DOCK6: variants seen among roughly 807,000 people sequenced by gnomAD.
DOCK6 encodes dedicator of cytokinesis protein 6.
A neutral mutation model predicts 230.3 loss-of-function variants in DOCK6; 167 were observed. That is an observed-to-expected ratio of 0.73 (90% confidence interval 0.64 to 0.82). The LOEUF is 0.82. Ranked by LOEUF, DOCK6 falls within the 40% of genes least tolerant of loss-of-function variation. The pLI is 0.00. For missense variants in DOCK6, 2,598 were observed against 2,825.8 expected (o/e 0.92, Z 1.83); for synonymous variants, 1,148 against 1,185.0 (o/e 0.97, Z 0.64).
chr19:11,216,890 C>T, intron 30 of DOCK6, 24 bp downstream of exon 30: 1 of 1,612,048 alleles, frequency 6.2e-7, no homozygotes, highest in Non-Finnish European at 8.5e-7. Flanking sequence ...CCTCCTCCAT[C>T]ATCTCCTGCC....
chr19:11,239,280 C>T (rs2079901685), intron 14 of DOCK6, among the ~76,000 whole-genome samples: 1 of 152,206 alleles, frequency 6.6e-6, no homozygotes, highest in Non-Finnish European at 1.5e-5. Flanking sequence ...GGTCAAACAG[C>T]TCAGGGCAAA....
In DOCK6 at chr19:11,243,487, TAGCCCCGC is replaced by T; in HGVS notation, c.1258+62_1258+69del. 1 of 1,543,300 alleles carries T rather than the reference TAGCCCCGC, an allele frequency of 6.5e-7. No individual in the cohort carries two copies. The highest frequency in any genetic ancestry group is 1.2e-5 in the South Asian group (1 of 83,790). The stretch of plus-strand genomic sequence containing the variant: ...GCAGAGGGCGCACCCCCTCGCCCCG[TAGCCCCGC>T]CCCAGGCCTGTCAGCACCACCCTTT... On this transcript the variant is annotated intron_variant, in intron 11 of 47. Coordinates refer to ENST00000294618, the MANE Select transcript of DOCK6 (RefSeq NM_020812.4). The surrounding 1 kb of genome is among the most constrained non-coding windows in gnomAD (Gnocchi z 6.3).
Position 11,202,019 on chromosome 19 carries a change from C to T in DOCK6, c.5558G>A (p.Cys1853Tyr). Residue 1853 changes from cysteine (C) to tyrosine (Y), a missense_variant, in exon 44 of 48, where the codon TGC becomes TAC. By Grantham distance (194) the Cys-to-Tyr change is radical. Coordinates refer to ENST00000294618, the MANE Select transcript of DOCK6 (RefSeq NM_020812.4). This position sits in a 1 kb window ranked among gnomAD's most constrained non-coding sequence, Gnocchi z 5.3. ...GCGCCCATCCGGCGTGAACGGCGTGCAGAACAGGAATGTGCGAAGCCCATA... is the reference window on the plus strand; with the variant it reads ...GCGCCCATCCGGCGTGAACGGCGTGTAGAACAGGAATGTGCGAAGCCCATA... Reference protein sequence around the residue: ...RNYGLRTFLFCTPFTPDGRAH... With the variant: ...RNYGLRTFLFYTPFTPDGRAH... 1 of 1,614,060 alleles carries T rather than the reference C, an allele frequency of 6.2e-7. No individual in the cohort carries two copies. Among genetic ancestry groups the T allele is most frequent in the Non-Finnish European group, 8.5e-7 (1 of 1,179,910 alleles).
chr19:11,202,103 A>G lies in DOCK6; in HGVS notation c.5474T>C (p.Val1825Ala). 1.2e-6 allele frequency: 2 copies of G among 1,613,964 alleles called. No individual in the cohort carries two copies. The highest frequency in any genetic ancestry group is 1.3e-5 in the African/African-American group (1 of 75,040). The stretch of plus-strand genomic sequence containing the variant: ...CTCGTAGGTATCAAAGTACGGTTCC[A>G]CATACGTGATCTGGATGTAGGCCTG... ...SQKAYIQITY[V>A]EPYFDTYELK... The change falls in exon 44 of 48, where the codon GTG becomes GCG. Residue 1825 changes from valine to alanine, a missense_variant. Transcript: ENST00000294618. This position sits in a 1 kb window ranked among gnomAD's most constrained non-coding sequence, Gnocchi z 5.3.
chr19:11,201,884 C>G lies in DOCK6; in HGVS notation c.5688+5G>C, dbSNP rs781389396. 6.4e-7 allele frequency: 1 copy of G among 1,552,156 alleles called. No homozygotes were observed. Among genetic ancestry groups the G allele is most frequent in the Admixed American group, 1.9e-5 (1 of 51,334 alleles). On this transcript the variant is annotated splice_donor_5th_base_variant and intron_variant, in intron 44 of 47. Transcript: ENST00000294618. The surrounding 1 kb of genome is among the most constrained non-coding windows in gnomAD (Gnocchi z 4.3). The stretch of plus-strand genomic sequence containing the variant: ...ACCCCCGCCAGGCCCAGGATCCCCA[C>G]CCACCTCCTCCCGGTGGCACACACG...
At position 11,242,075 on chromosome 19, in the gene DOCK6, C is replaced by T. The variant is rs762793134; in HGVS notation, c.1613G>A (p.Arg538His). ...GCTGGTATGGGGGGCATAGACTTCG[C>T]GGGCGGGGAACTCCAGAATCTCCTT... ...PTKEILEFPA[R>H]EVYAPHTSYR... Residue 538 changes from arginine (R) to histidine (H), a missense_variant, in exon 14 of 48, where the codon CGC (arginine) becomes CAC (histidine). Physicochemically the swap from Arg to His is conservative, Grantham distance 29. Transcript: ENST00000294618. The T allele has an allele frequency of 2.0e-5, 31 of 1,547,942 alleles. No individual in the cohort carries two copies. Among genetic ancestry groups the T allele is most frequent in the South Asian group, 1.5e-4 (12 of 79,286 alleles).
chr19:11,244,048 G>A (rs2079994316), intron 9 of DOCK6, among the ~76,000 whole-genome samples, 166 bp from the exon 10 acceptor site: 2 of 152,198 alleles, frequency 1.3e-5, no homozygotes, highest in Non-Finnish European at 2.9e-5. Flanking sequence ...GGGATCAAGG[G>A]TTAGTGTTGG....
intron 21 of DOCK6, among the ~76,000 whole-genome samples, chr19:11,234,297 G>T (rs10421382): frequency 2.0e-5 from 3 of 150,906 alleles, no homozygotes; most frequent in Admixed American, 6.6e-5. Flanking sequence ...TGTGCCTGGC[G>T]TATTTTATTT....
chr19:11,259,280 G>A (rs750083051), intron 1 of DOCK6, among the ~76,000 whole-genome samples: 1 of 151,854 alleles, frequency 6.6e-6, no homozygotes, highest in Non-Finnish European at 1.5e-5. Flanking sequence ...TTGAACTCCT[G>A]GCCTCCCAAA....
chr19:11,214,512 T>C (rs779871405), intron 33 of DOCK6, 41 bp downstream of exon 33: 10 of 1,613,400 alleles, frequency 6.2e-6, no homozygotes, highest in African/African-American at 2.7e-5. Flanking sequence ...GGCACTGCAG[T>C]TGGGCTCAGA....
chr19:11,255,078 A>C (rs2080177500), intron 1 of DOCK6, among the ~76,000 whole-genome samples: 1 of 150,500 alleles, frequency 6.6e-6, no homozygotes, highest in Non-Finnish European at 1.5e-5. Context: ...ATCCCGGCTC[A>C]CTGCAACACC....
In DOCK6 at chr19:11,243,938, G is replaced by A; in HGVS notation, c.1024-56C>T. 12 of 1,552,796 alleles carry A rather than the reference G, an allele frequency of 7.7e-6. No individual in the cohort carries two copies. The highest frequency in any genetic ancestry group is 2.4e-5 in the East Asian group (1 of 41,662). On this transcript the variant is annotated intron_variant, in intron 9 of 47. Transcript: ENST00000294618. The surrounding 1 kb of genome is among the most constrained non-coding windows in gnomAD (Gnocchi z 6.3). ...CGCTGCCCGAACGCTCTGTTCCCCC[G>A]TGCTGGCTCCCCAGCCTCCTGGACC... is the stretch of plus-strand genomic sequence containing the variant.
intron 9 of DOCK6, among the ~76,000 whole-genome samples, chr19:11,245,293 G>A (rs1216455772): frequency 2.0e-5 from 3 of 152,058 alleles, no homozygotes; most frequent in South Asian, 2.1e-4. Context: ...ACCCACCTCC[G>A]AGGACCCCAG....
intron 22 of DOCK6, 34 bp from the exon 23 acceptor site, chr19:11,229,069 G>T: frequency 6.3e-7 from 1 of 1,595,292 alleles, no homozygotes; most frequent in East Asian, 2.2e-5. Context: ...AGAGTGCGAG[G>T]TGCCACCCCT....
chr19:11,219,516 G>T (rs900667734), intron 28 of DOCK6, among the ~76,000 whole-genome samples: 4 of 151,742 alleles, frequency 2.6e-5, no homozygotes, highest in Admixed American at 2.0e-4. Flanking sequence ...TCGGCTGGGC[G>T]TGGTGGCTCA....
At chr19:11,237,586 G>A (rs891938053) in intron 17 of DOCK6, 29 bp from the exon 18 acceptor site, 7 of 1,609,180 alleles carry the variant, frequency 4.4e-6, no homozygotes, top group Middle Eastern at 1.8e-4. Flanking sequence ...TCAGGTCTGC[G>A]GCCAGGTTGG....
At chr19:11,251,191 G>T (rs999262302) in intron 5 of DOCK6, 105 bp from the exon 6 acceptor site, 2 of 1,189,260 alleles carry the variant, frequency 1.7e-6, no homozygotes, top group African/African-American at 1.5e-5. Flanking sequence ...GAAATTGAGG[G>T]TCAGGGGGTG....
chr19:11,203,953 G>A lies in DOCK6; in HGVS notation c.5235+128C>T, dbSNP rs541399997. The stretch of plus-strand genomic sequence containing the variant: ...GGAAATAATGGGGTGGGTCCCTTGT[G>A]GCCACAGCCCCAGCCCCAAGGGCCA... On this transcript the variant is annotated intron_variant, in intron 41 of 47. Transcript: ENST00000294618. 3.9e-5 allele frequency: 50 copies of A among 1,274,106 alleles called. 1 individual carries two copies. In the African/African-American group the frequency reaches 7.3e-4, roughly 19 times the overall value. 78.9% of individuals were successfully genotyped at this position (1,274,106 alleles called of 1,614,324 possible).
At chr19:11,240,192 G>T in intron 14 of DOCK6, 1 of 1,555,782 alleles carries the variant, frequency 6.4e-7, no homozygotes, top group Non-Finnish European at 8.7e-7. Flanking sequence ...GCTGGGGGAG[G>T]TGGCCCAGGC....
Sources: allele counts gnomAD v4.1 joint callset (sites outside exome capture counted in the v4.1 genomes callset), GRCh38; gene constraint gnomAD v4.1.1; non-coding constraint Gnocchi (gnomAD v3.1); transcripts MANE v1.5; gene names NCBI Gene and HGNC (gene_info 2026-07-23, HGNC 2026-07-21).